ARSJ: variants seen among roughly 807,000 people sequenced by gnomAD.
ARSJ encodes arylsulfatase family member J, also known as arylsulfatase J.
ARSJ carries 26 observed loss-of-function variants against 35.9 expected under a neutral mutation model. That is an observed-to-expected ratio of 0.72 (90% CI 0.53 to 1.00). The LOEUF (loss-of-function observed/expected upper bound fraction) is 1.00, where lower values mean the gene tolerates loss of function less well. Ranked by LOEUF, ARSJ falls within the 50% of genes least tolerant of loss-of-function variation. The pLI, the probability that ARSJ is intolerant of heterozygous loss-of-function variation, is 0.00. For synonymous variants in ARSJ, 294 were observed against 267.6 expected, an observed-to-expected ratio of 1.10 and a Z score of -0.96; for missense variants, 667 against 723.6, an observed-to-expected ratio of 0.92 and a Z score of 0.90.
Position 113,978,772 on chromosome 4 carries a change from A to G in ARSJ, c.63T>C (p.Pro21=). The G allele has an allele frequency of 1.2e-6, 2 of 1,614,226 alleles. No individual in the cohort carries two copies. Among genetic ancestry groups the G allele is most frequent in the Non-Finnish European group, 1.7e-6 (2 of 1,180,018 alleles). ...GCGCCCCCATTGCTAGCATCTTTCC[A>G]GGACAGACACAGGCCTGTGGAGAAG... ...PPPSPQACVC[P]GKMLAMGALA... is the part of the protein sequence containing the mutation. The change falls in exon 1 of 2, where the codon CCT becomes CCC. Residue 21 remains proline, a synonymous_variant. Coordinates refer to ENST00000315366, the MANE Select transcript of ARSJ (RefSeq NM_024590.4).
chr4:113,947,993 A>G (rs1725606483), intron 1 of ARSJ, among the ~76,000 whole-genome samples: 1 of 152,116 alleles, frequency 6.6e-6, no homozygotes, highest in Non-Finnish European at 1.5e-5. Context: ...GTTCGAGACC[A>G]GCCTGGGCAA....
rs113873244 is a variant in ARSJ at position 113,968,963 on chromosome 4, T to G, written c.398+9474A>C. Among the ~76,000 whole-genome samples the G allele has an allele frequency of 7.5e-3, 1,142 of 152,304 alleles. 11 individuals carry two copies. The highest frequency in any genetic ancestry group is 0.026 in the African/African-American group (1,069 of 41,556). Reference sequence around the variant, plus strand: ...AATATATTAATTCAAAACTATTATGTACCTTCTAAGTTGTAGCCCCAGGGG... The same window carrying G: ...AATATATTAATTCAAAACTATTATGGACCTTCTAAGTTGTAGCCCCAGGGG... On this transcript the variant is annotated intron_variant, in intron 1 of 1. Transcript: ENST00000315366.
Position 113,917,460 on chromosome 4 carries a change from A to AAAAGTGC in ARSJ, c.399-13792_399-13786dup, listed in dbSNP as rs1409127536. Among the ~76,000 whole-genome samples, 3 of 152,332 alleles carry AAAAGTGC rather than the reference A, an allele frequency of 2.0e-5. No individual in the cohort carries two copies. The South Asian group carries it at 6.2e-4, about 32-fold the overall frequency. The stretch of plus-strand genomic sequence containing the variant: ...TAATAATATAAGTGAAAATGCATGT[A>AAAAGTGC]AAAGTGCAAGGATTAGCTAAAAATT... On this transcript the variant is annotated intron_variant, in intron 1 of 1. Coordinates refer to ENST00000315366, the MANE Select transcript of ARSJ (RefSeq NM_024590.4).
chr4:113,950,455 A>T (rs1254764743), intron 1 of ARSJ, among the ~76,000 whole-genome samples: 1 of 152,074 alleles, frequency 6.6e-6, no homozygotes, highest in Non-Finnish European at 1.5e-5. Context: ...GTAATGAGGA[A>T]ACAGCTCAAG....
intron 1 of ARSJ, among the ~76,000 whole-genome samples, chr4:113,973,564 G>A (rs556206393): frequency 1.6e-4 from 25 of 152,244 alleles, no homozygotes; most frequent in Admixed American, 1.2e-3. Context: ...TAAAATTTAT[G>A]ACCACAAATC....
At chr4:113,909,791 AG>A (rs200236724) in intron 1 of ARSJ, among the ~76,000 whole-genome samples, 2,516 of 152,186 alleles carry the variant, frequency 0.017, 74 homozygotes, top group African/African-American at 0.057. Context: ...TACACCTCTA[AG>A]CTTCTTCCTA....
Position 113,916,456 on chromosome 4 carries a change from T to C in ARSJ, c.399-12781A>G, listed in dbSNP as rs150927136. On this transcript the variant is annotated intron_variant, in intron 1 of 1. Coordinates refer to ENST00000315366, the MANE Select transcript of ARSJ (RefSeq NM_024590.4). The stretch of plus-strand genomic sequence containing the variant: ...GTATAGAATAAAGTGAAATAAAATA[T>C]TTTAAACAAATTGCAAATTGTAAAA... 2.0e-4 allele frequency among the ~76,000 whole-genome samples: 31 copies of C among 152,144 alleles called. No individual in the cohort carries two copies. The East Asian group carries it at 5.4e-3, about 26-fold the overall frequency.
At chr4:113,925,726 C>A (rs551566519) in intron 1 of ARSJ, among the ~76,000 whole-genome samples, 4 of 152,264 alleles carry the variant, frequency 2.6e-5, no homozygotes, top group Middle Eastern at 6.8e-3. Flanking sequence ...AGATGGTAGT[C>A]TTGGCAGAAG....
intron 1 of ARSJ, among the ~76,000 whole-genome samples, chr4:113,952,299 C>A (rs1725909973): frequency 6.6e-6 from 1 of 152,060 alleles, no homozygotes; most frequent in South Asian, 2.1e-4. Flanking sequence ...CCTGTAGTAA[C>A]TTACTGAATA....
intron 1 of ARSJ, among the ~76,000 whole-genome samples, chr4:113,957,250 G>T (rs113490323): frequency 1.3e-5 from 2 of 152,050 alleles, no homozygotes; most frequent in African/African-American, 2.4e-5. Context: ...AGTTCTTTTA[G>T]TTTTAGCTCT....
At chr4:113,966,682 G>A (rs909050112) in intron 1 of ARSJ, among the ~76,000 whole-genome samples, 1 of 152,194 alleles carries the variant, frequency 6.6e-6, no homozygotes, top group African/African-American at 2.4e-5. Context: ...TAAAAAAACT[G>A]CTGGCATTTT....
intron 1 of ARSJ, among the ~76,000 whole-genome samples, chr4:113,974,678 A>G (rs191743702): frequency 2.6e-5 from 4 of 152,134 alleles, no homozygotes; most frequent in African/African-American, 7.2e-5. Flanking sequence ...CTAAATGTTG[A>G]CAAAGATGTG....
rs180923226 is a variant in ARSJ, at chr4:113,904,663, T to A, written c.399-988A>T. Among the ~76,000 whole-genome samples, 312 of 152,192 alleles carry A rather than the reference T, an allele frequency of 2.1e-3. 2 individuals carry two copies. The highest frequency in any genetic ancestry group is 7.1e-3 in the African/African-American group (295 of 41,520). ...CCACGCCCAGATAATTTTTTTGTAT[T>A]TTTTTAAATTAGAGACGGGGTTTCA... is the stretch of plus-strand genomic sequence containing the variant. On this transcript the variant is annotated intron_variant, in intron 1 of 1. Transcript: ENST00000315366.
At chr4:113,923,173 G>C (rs562368493) in intron 1 of ARSJ, among the ~76,000 whole-genome samples, 1 of 152,238 alleles carries the variant, frequency 6.6e-6, no homozygotes, top group South Asian at 2.1e-4. Context: ...GGCTGCATGA[G>C]CCAATTCCTT....
chr4:113,930,917 T>G (rs1011571915), intron 1 of ARSJ, among the ~76,000 whole-genome samples: 7 of 149,114 alleles, frequency 4.7e-5, no homozygotes, highest in Non-Finnish European at 7.4e-5. Context: ...CAGTAAACTA[T>G]CGCAAGAACA....
chr4:113,922,485 A>G (rs1000118461), intron 1 of ARSJ, among the ~76,000 whole-genome samples: 1 of 152,098 alleles, frequency 6.6e-6, no homozygotes, highest in South Asian at 2.1e-4. Flanking sequence ...ATTTCCCCCA[A>G]ATATATTAGA....
chr4:113,967,457 CT>C (rs1236825118), intron 1 of ARSJ, among the ~76,000 whole-genome samples: 1 of 152,006 alleles, frequency 6.6e-6, no homozygotes, highest in Non-Finnish European at 1.5e-5. Flanking sequence ...ATTTTTGCCC[CT>C]ATGGTCTTAT....
At chr4:113,927,783 T>C (rs1724167960) in intron 1 of ARSJ, among the ~76,000 whole-genome samples, 1 of 152,086 alleles carries the variant, frequency 6.6e-6, no homozygotes, top group Non-Finnish European at 1.5e-5. Context: ...AAGAGTTGAA[T>C]GGGGATGTGG....
chr4:113,916,269 TATCAGAA>T (rs980638814), intron 1 of ARSJ, among the ~76,000 whole-genome samples: 3 of 152,152 alleles, frequency 2.0e-5, no homozygotes, highest in African/African-American at 7.2e-5. Context: ...GAACCCACAA[TATCAGAA>T]ATCAGAATGC....
Sources: allele counts gnomAD v4.1 joint callset (sites outside exome capture counted in the v4.1 genomes callset), GRCh38; gene constraint gnomAD v4.1.1; transcripts MANE v1.5; gene names NCBI Gene and HGNC (gene_info 2026-07-23, HGNC 2026-07-21).